MACROD2: variants seen among roughly 807,000 people sequenced by gnomAD.
The protein encoded by MACROD2 is ADP-ribose glycohydrolase MACROD2.
MACROD2 carries 36 observed loss-of-function variants against 70.4 expected under a neutral mutation model. That is an observed-to-expected ratio of 0.51 (90% CI 0.39 to 0.68). The LOEUF (loss-of-function observed/expected upper bound fraction) is 0.68. Ranked by LOEUF, MACROD2 falls within the 30% of genes least tolerant of loss-of-function variation. The pLI is 0.00. For missense variants in MACROD2, 496 were observed against 538.4 expected, an observed-to-expected ratio of 0.92 and a Z score of 0.78; for synonymous variants, 172 against 178.8, an observed-to-expected ratio of 0.96 and a Z score of 0.30.
chr20:15,190,368 A>G (rs1270828551), intron 5 of MACROD2, among the ~76,000 whole-genome samples: 1 of 152,168 alleles, frequency 6.6e-6, no homozygotes, highest in Non-Finnish European at 1.5e-5. Flanking sequence ...AGATGAGCTC[A>G]GTGCTCATCC....
chr20:15,586,453 G>T (rs567533154), intron 8 of MACROD2, among the ~76,000 whole-genome samples: 13 of 152,224 alleles, frequency 8.5e-5, no homozygotes, highest in African/African-American at 3.1e-4. Context: ...TTTATCTATT[G>T]GTTTTGATTA....
intron 5 of MACROD2, among the ~76,000 whole-genome samples, chr20:15,218,597 A>C (rs1035261931): frequency 6.6e-6 from 1 of 152,172 alleles, no homozygotes; most frequent in Non-Finnish European, 1.5e-5. Flanking sequence ...CATGTGAATC[A>C]GTGTATCTGA....
intron 5 of MACROD2, among the ~76,000 whole-genome samples, chr20:15,058,104 C>T (rs747479117): frequency 8.5e-5 from 13 of 152,134 alleles, no homozygotes; most frequent in Non-Finnish European, 1.5e-4. Context: ...GGACCGGCTG[C>T]TCGACGTAGG....
At chr20:15,517,909 C>A (rs1011698812) in intron 8 of MACROD2, among the ~76,000 whole-genome samples, 1 of 152,232 alleles carries the variant, frequency 6.6e-6, no homozygotes, top group African/African-American at 2.4e-5. Flanking sequence ...CGAGCCATTT[C>A]TTATTGCCCA....
At chr20:15,067,953 G>C (rs574198517) in intron 5 of MACROD2, among the ~76,000 whole-genome samples, 12 of 152,282 alleles carry the variant, frequency 7.9e-5, no homozygotes, top group African/African-American at 2.6e-4. Flanking sequence ...AAAACCAGTA[G>C]TGAAGCTTAT....
At chr20:14,388,052 C>G (rs6079414) in intron 3 of MACROD2, among the ~76,000 whole-genome samples, 102,337 of 149,614 alleles carry the variant, frequency 0.68, 35,447 homozygotes, top group South Asian at 0.82. Flanking sequence ...CTCAGTCACC[C>G]AGGCTGGAGT....
At chr20:14,292,693 G>T (rs748936360) in intron 3 of MACROD2, among the ~76,000 whole-genome samples, 6 of 151,884 alleles carry the variant, frequency 4.0e-5, no homozygotes, top group Non-Finnish European at 8.8e-5. Flanking sequence ...GGAGTGCAGA[G>T]GTGTGATCTC....
At chr20:15,123,780 A>G (rs549257450) in intron 5 of MACROD2, among the ~76,000 whole-genome samples, 5 of 152,278 alleles carry the variant, frequency 3.3e-5, no homozygotes, top group South Asian at 2.1e-4. Context: ...AAGATTTCTA[A>G]TCAATGCTTG....
intron 3 of MACROD2, among the ~76,000 whole-genome samples, chr20:14,378,316 C>A (rs545969279): frequency 2.0e-5 from 3 of 152,174 alleles, no homozygotes; most frequent in African/African-American, 2.4e-5. Context: ...TACTGGCTGT[C>A]ATGGTTTCCA....
intron 4 of MACROD2, among the ~76,000 whole-genome samples, chr20:14,638,355 T>C (rs1177022222): frequency 1.3e-5 from 2 of 152,092 alleles, no homozygotes; most frequent in Non-Finnish European, 2.9e-5. Context: ...TTTTAAACAG[T>C]CCTGGGATTT....
intron 3 of MACROD2, among the ~76,000 whole-genome samples, chr20:14,228,163 G>GTATATA (rs771755747): frequency 1.4e-3 from 20 of 14,294 alleles, no homozygotes; most frequent in African/African-American, 3.3e-3. Context: ...TTTTTTCTAT[G>GTATATA]TATATATATA....
chr20:15,762,155 A>G (rs1455520611), intron 8 of MACROD2, among the ~76,000 whole-genome samples: 2 of 152,236 alleles, frequency 1.3e-5, no homozygotes, highest in Non-Finnish European at 1.5e-5. Flanking sequence ...AATGGCAATA[A>G]CAATAACAAT....
At chr20:15,480,600 G>C (rs2047084237) in intron 7 of MACROD2, among the ~76,000 whole-genome samples, 1 of 152,056 alleles carries the variant, frequency 6.6e-6, no homozygotes, top group Non-Finnish European at 1.5e-5. Flanking sequence ...CTGAGTTCTT[G>C]CTGGCTAGCC....
intron 4 of MACROD2, among the ~76,000 whole-genome samples, chr20:14,518,471 A>T (rs1249479417): frequency 6.6e-6 from 1 of 152,130 alleles, no homozygotes; most frequent in Non-Finnish European, 1.5e-5. Flanking sequence ...AATGGAAATC[A>T]TTTCAGTGTT....
intron 8 of MACROD2, among the ~76,000 whole-genome samples, chr20:15,545,507 T>C (rs1464933343): frequency 6.6e-6 from 1 of 152,204 alleles, no homozygotes; most frequent in Non-Finnish European, 1.5e-5. Flanking sequence ...AGTGAGTCTG[T>C]TGCATTGTGA....
chr20:15,646,590 C>T (rs1432955202), intron 8 of MACROD2, among the ~76,000 whole-genome samples: 3 of 152,032 alleles, frequency 2.0e-5, no homozygotes, highest in Non-Finnish European at 2.9e-5. Context: ...AATTGTAATC[C>T]CCATAATCCA....
chr20:14,236,952 G>T (rs893089092), intron 3 of MACROD2, among the ~76,000 whole-genome samples: 3 of 151,972 alleles, frequency 2.0e-5, no homozygotes, highest in African/African-American at 7.2e-5. Flanking sequence ...TGTTTTTAAT[G>T]AGTGTAACAA....
intron 5 of MACROD2, among the ~76,000 whole-genome samples, chr20:14,704,442 T>C (rs998588879): frequency 4.6e-5 from 7 of 152,112 alleles, no homozygotes; most frequent in Non-Finnish European, 1.0e-4. Flanking sequence ...TTACCCACAG[T>C]GGTAACTGGC....
At chr20:14,402,675 ACAC>A (rs1477316670) in intron 3 of MACROD2, among the ~76,000 whole-genome samples, 1 of 152,214 alleles carries the variant, frequency 6.6e-6, no homozygotes, top group African/African-American at 2.4e-5. Context: ...AGAAAAATGA[ACAC>A]TTGATGCCCT....
Sources: allele counts gnomAD v4.1 joint callset (sites outside exome capture counted in the v4.1 genomes callset), GRCh38; gene constraint gnomAD v4.1.1; transcripts MANE v1.5; gene names NCBI Gene and HGNC (gene_info 2026-07-23, HGNC 2026-07-21).